PCSK2: variants seen among roughly 807,000 people sequenced by gnomAD.
PCSK2 encodes proprotein convertase subtilisin/kexin type 2, also known as neuroendocrine convertase 2.
In PCSK2, 14 loss-of-function variants were observed where a neutral mutation model predicts 69.7. That is an observed-to-expected ratio of 0.20 (90% CI 0.13 to 0.31). The LOEUF (loss-of-function observed/expected upper bound fraction) is 0.31. Among genes scored for constraint, PCSK2 ranks in the 10% least tolerant of loss-of-function variants. The pLI is 1.00. For synonymous variants in PCSK2, 307 were observed against 320.7 expected (o/e 0.96, Z 0.46); for missense variants, 544 against 842.5 (o/e 0.65, Z 4.39).
intron 2 of PCSK2, among the ~76,000 whole-genome samples, chr20:17,268,059 ATAT>A (rs1987700144): frequency 6.9e-6 from 1 of 144,124 alleles, no homozygotes; most frequent in African/African-American, 2.6e-5. Flanking sequence ...ATATATATAT[ATAT>A]AATGCATTTA....
At chr20:17,249,510 A>AT (rs1478225805) in intron 1 of PCSK2, among the ~76,000 whole-genome samples, 1 of 151,718 alleles carries the variant, frequency 6.6e-6, no homozygotes, top group Non-Finnish European at 1.5e-5. Context: ...GTCTCAAAAA[A>AT]AAAAAAAAAA....
intron 2 of PCSK2, among the ~76,000 whole-genome samples, chr20:17,261,487 C>T (rs1987382965): frequency 6.6e-6 from 1 of 152,184 alleles, no homozygotes; most frequent in South Asian, 2.1e-4. Flanking sequence ...AGAGTTCCCA[C>T]CTTCTCTAAA....
chr20:17,424,161 A>C (rs956769293), intron 6 of PCSK2, among the ~76,000 whole-genome samples: 4 of 152,242 alleles, frequency 2.6e-5, no homozygotes, highest in African/African-American at 4.8e-5. Flanking sequence ...TATCATTAGA[A>C]GTATAAATAA....
intron 6 of PCSK2, among the ~76,000 whole-genome samples, chr20:17,420,932 T>C (rs2032110564): frequency 6.6e-6 from 1 of 151,956 alleles, no homozygotes; most frequent in Non-Finnish European, 1.5e-5. Flanking sequence ...ACCAATAGAG[T>C]TGTGAAATTC....
rs754971298 is a variant in PCSK2, at chr20:17,450,320, G to A, written c.886-3422G>A. Among the ~76,000 whole-genome samples, 17 of 152,214 alleles carry A rather than the reference G, an allele frequency of 1.1e-4. No homozygotes were observed. The East Asian group carries it at 1.5e-3, about 14-fold the overall frequency. On this transcript the variant is annotated intron_variant, in intron 8 of 11. Transcript: ENST00000262545. ...TGGGATTACAGGCATGAGACACCGC[G>A]CCCGGCTCTTCCTAAGTATTTTATC...
At chr20:17,263,261 T>C (rs1037411543) in intron 2 of PCSK2, 5 of 313,068 alleles carry the variant, frequency 1.6e-5, no homozygotes, top group Non-Finnish European at 1.4e-5. Context: ...AAAAAAGGAC[T>C]AGAAAGAGCT....
intron 2 of PCSK2, among the ~76,000 whole-genome samples, chr20:17,333,910 C>CATATATATATATATATAT (rs3076241): frequency 0.014 from 1,227 of 86,054 alleles, 72 homozygotes; most frequent in Middle Eastern, 0.038. Flanking sequence ...TAAGTCACTG[C>CATATATATATATATATAT]ATATATATAT....
Position 17,446,864 on chromosome 20 carries a change from G to A in PCSK2, c.886-6878G>A, listed in dbSNP as rs559982973. 1.2e-4 allele frequency among the ~76,000 whole-genome samples: 19 copies of A among 152,130 alleles called. No homozygotes were observed. In the East Asian group the frequency reaches 3.5e-3, roughly 28 times the overall value. On this transcript the variant is annotated intron_variant, in intron 8 of 11. Transcript: ENST00000262545. ...GCAAGTCTAAATCCAACACATCAAA[G>A]AAAAAGGAAAAACTGAGTAAATATA...
At chr20:17,476,863 G>A (rs760129618) in intron 11 of PCSK2, among the ~76,000 whole-genome samples, 20 of 152,100 alleles carry the variant, frequency 1.3e-4, no homozygotes, top group African/African-American at 2.2e-4. Context: ...ACCCCGACCC[G>A]CAAAGTTGGC....
At chr20:17,450,314 C>T (rs1026844388) in intron 8 of PCSK2, among the ~76,000 whole-genome samples, 2 of 152,264 alleles carry the variant, frequency 1.3e-5, no homozygotes, top group South Asian at 2.1e-4. Flanking sequence ...AGGCATGAGA[C>T]ACCGCGCCCG....
At chr20:17,231,095 C>G (rs1198208460) in intron 1 of PCSK2, among the ~76,000 whole-genome samples, 1 of 152,034 alleles carries the variant, frequency 6.6e-6, no homozygotes, top group Non-Finnish European at 1.5e-5. Context: ...GAAGATTAAC[C>G]AAAAATCAAG....
At chr20:17,260,814 G>T (rs2122999765) in intron 2 of PCSK2, among the ~76,000 whole-genome samples, 1 of 152,314 alleles carries the variant, frequency 6.6e-6, no homozygotes, top group Admixed American at 6.5e-5. Flanking sequence ...GGACTTCTCA[G>T]TATCCATGCA....
At position 17,249,272 on chromosome 20, in the gene PCSK2, T is replaced by C. The variant is rs551480905; in HGVS notation, c.178-10968T>C. Reference sequence around the variant, plus strand: ...CTGTAATCCCAGCACTTTGGGAGGCTGAGGCGGGCGGATCATGAGGTCAGG... The same window carrying C: ...CTGTAATCCCAGCACTTTGGGAGGCCGAGGCGGGCGGATCATGAGGTCAGG... On this transcript the variant is annotated intron_variant, in intron 1 of 11. Coordinates refer to ENST00000262545, the MANE Select transcript of PCSK2 (RefSeq NM_002594.5). Among the ~76,000 whole-genome samples the C allele has an allele frequency of 4.6e-5, 7 of 152,162 alleles. No homozygotes were observed. The South Asian group carries it at 1.5e-3, about 32-fold the overall frequency.
intron 2 of PCSK2, among the ~76,000 whole-genome samples, chr20:17,315,084 C>T (rs1191323269): frequency 6.6e-6 from 1 of 152,126 alleles, no homozygotes; most frequent in Non-Finnish European, 1.5e-5. Context: ...CCGAGAAAAC[C>T]CTGCGGCTTT....
In PCSK2 at chr20:17,388,596, C is replaced by T. The variant is rs192605726; in HGVS notation, c.543+19319C>T. 1.8e-4 allele frequency among the ~76,000 whole-genome samples: 28 copies of T among 152,120 alleles called. No homozygotes were observed. In the South Asian group the frequency reaches 2.7e-3, roughly 15 times the overall value. ...AGCAGACAAAAACACAATCACTTAG[C>T]GCGGGCCTCATTAGGCACCTCATAA... On this transcript the variant is annotated intron_variant, in intron 5 of 11. Transcript: ENST00000262545.
At chr20:17,317,717 T>A (rs1335607009) in intron 2 of PCSK2, among the ~76,000 whole-genome samples, 1 of 151,868 alleles carries the variant, frequency 6.6e-6, no homozygotes, top group Non-Finnish European at 1.5e-5. Flanking sequence ...AAATAAGAAG[T>A]AACAGAAAAT....
At chr20:17,428,403 A>G (rs2032292270) in intron 6 of PCSK2, among the ~76,000 whole-genome samples, 1 of 136,650 alleles carries the variant, frequency 7.3e-6, no homozygotes, top group African/African-American at 2.5e-5. Flanking sequence ...ACAGAGAAAG[A>G]AAATGTGTGT....
At chr20:17,399,525 G>A (rs2031588249) in intron 5 of PCSK2, among the ~76,000 whole-genome samples, 1 of 152,232 alleles carries the variant, frequency 6.6e-6, no homozygotes, top group Non-Finnish European at 1.5e-5. Context: ...GAAGCAGGGT[G>A]TTTCTGCCTG....
In PCSK2 at chr20:17,295,213, AACACACAC is replaced by A. The variant is rs58508384; in HGVS notation, c.282+34894_282+34901del. 2.2e-3 allele frequency among the ~76,000 whole-genome samples: 329 copies of A among 146,278 alleles called. 2 individuals are homozygous for A. The highest frequency in any genetic ancestry group is 7.9e-3 in the African/African-American group (314 of 39,918). ...GTGAGGTCTGCATTTATACGCAGTT[AACACACAC>A]ACACACACACACACACACACACACC... On this transcript the variant is annotated intron_variant, in intron 2 of 11. Transcript: ENST00000262545.
Sources: allele counts gnomAD v4.1 joint callset (sites outside exome capture counted in the v4.1 genomes callset), GRCh38; gene constraint gnomAD v4.1.1; transcripts MANE v1.5; gene names NCBI Gene and HGNC (gene_info 2026-07-23, HGNC 2026-07-21).